ADAMTSL1: variants seen among roughly 807,000 people sequenced by gnomAD.
ADAMTSL1 encodes ADAMTS-like protein 1.
Under a neutral mutation model 201.8 loss-of-function variants are expected in ADAMTSL1, and 126 were observed. The observed-to-expected ratio is 0.62, with a 90% CI of 0.54 to 0.72. ADAMTSL1 has a LOEUF of 0.72. Ranked by LOEUF, ADAMTSL1 falls within the 30% of genes least tolerant of loss-of-function variation. The pLI, the probability that ADAMTSL1 is intolerant of heterozygous loss-of-function variation, is 0.00. For missense variants in ADAMTSL1, 2,679 were observed against 2,277.8 expected, an observed-to-expected ratio of 1.18 and a Z score of -3.59; for synonymous variants, 1,121 against 903.4, an observed-to-expected ratio of 1.24 and a Z score of -4.32.
intron 26 of ADAMTSL1, among the ~76,000 whole-genome samples, chr9:18,897,434 G>A (rs1386896116): frequency 6.6e-6 from 1 of 152,130 alleles, no homozygotes; most frequent in Non-Finnish European, 1.5e-5. Context: ...TCCCAACAGG[G>A]GTCTCCAGAC....
intron 2 of ADAMTSL1, among the ~76,000 whole-genome samples, chr9:18,276,610 G>A (rs1292385879): frequency 6.6e-6 from 1 of 152,220 alleles, no homozygotes; most frequent in Non-Finnish European, 1.5e-5. Context: ...GGCTGTACAA[G>A]AAGCGTGCTG....
chr9:18,888,133 A>G (rs1829019921), intron 24 of ADAMTSL1, 90 bp downstream of exon 24: 2 of 1,353,238 alleles, frequency 1.5e-6, no homozygotes, highest in East Asian at 2.5e-5. Context: ...GAGATTTCTG[A>G]TCTCCAGTGG....
chr9:18,204,639 C>G (rs551488112), intron 2 of ADAMTSL1, among the ~76,000 whole-genome samples: 1 of 152,018 alleles, frequency 6.6e-6, no homozygotes, highest in Non-Finnish European at 1.5e-5. Flanking sequence ...CACTATAATA[C>G]CAAACAAAAA....
intron 3 of ADAMTSL1, among the ~76,000 whole-genome samples, chr9:18,540,919 C>T (rs1288266650): frequency 6.6e-6 from 1 of 152,174 alleles, no homozygotes; most frequent in African/African-American, 2.4e-5. Flanking sequence ...TGCTGCTTCA[C>T]CCTGCCACAG....
chr9:18,227,870 TC>T (rs1830490097), intron 2 of ADAMTSL1, among the ~76,000 whole-genome samples: 1 of 152,208 alleles, frequency 6.6e-6, no homozygotes, highest in Non-Finnish European at 1.5e-5. Flanking sequence ...GTGTCTTTCT[TC>T]ATTTTTAAAT....
chr9:18,640,766 A>C (rs10963696), intron 7 of ADAMTSL1, among the ~76,000 whole-genome samples: 6,447 of 151,816 alleles, frequency 0.042, 188 homozygotes, highest in South Asian at 0.083. Context: ...CATCCAAACT[A>C]TCTCTCAACA....
chr9:18,668,175 T>G (rs1829578500), intron 9 of ADAMTSL1, among the ~76,000 whole-genome samples: 1 of 152,210 alleles, frequency 6.6e-6, no homozygotes, highest in African/African-American at 2.4e-5. Context: ...ACTTCTTACC[T>G]TTTGATCAAC....
chr9:18,311,160 C>T (rs984887336), intron 2 of ADAMTSL1, among the ~76,000 whole-genome samples: 1 of 151,548 alleles, frequency 6.6e-6, no homozygotes, highest in African/African-American at 2.4e-5. Flanking sequence ...ACTATGAGAA[C>T]AGATGGACAC....
intron 26 of ADAMTSL1, among the ~76,000 whole-genome samples, chr9:18,898,820 T>C (rs1337101199): frequency 6.6e-6 from 1 of 152,174 alleles, no homozygotes; most frequent in Non-Finnish European, 1.5e-5. Flanking sequence ...AAGAGCCATA[T>C]TTGACAAATC....
At chr9:17,961,170 G>A (rs1817739749) in intron 1 of ADAMTSL1, among the ~76,000 whole-genome samples, 1 of 152,082 alleles carries the variant, frequency 6.6e-6, no homozygotes, top group Non-Finnish European at 1.5e-5. Flanking sequence ...TTACTATGTG[G>A]ATTTGGACAA....
At chr9:18,644,554 C>T (rs1827664792) in intron 7 of ADAMTSL1, among the ~76,000 whole-genome samples, 1 of 146,980 alleles carries the variant, frequency 6.8e-6, no homozygotes, top group Admixed American at 6.8e-5. Context: ...CACCCCACAA[C>T]AGTCCCCAGA....
At position 18,101,940 on chromosome 9, in the gene ADAMTSL1, G is replaced by T. The variant is rs868721944; in HGVS notation, c.88-61922G>T. The stretch of plus-strand genomic sequence containing the variant: ...TGTATAGGTGTAAGTAGTGGTGACA[G>T]GGATGTCAGAGGTAGATAAACAAAA... On this transcript the variant is annotated intron_variant, in intron 1 of 29. Transcript: ENST00000680146. 3.3e-5 allele frequency among the ~76,000 whole-genome samples: 5 copies of T among 152,336 alleles called. No homozygotes were observed. The South Asian group carries it at 6.2e-4, about 19-fold the overall frequency.
Position 18,504,824 on chromosome 9 carries a change from C to G in ADAMTSL1, c.64-5C>G, listed in dbSNP as rs777177013. ...TGATGCTGACCATTCTTTTGTTTCT[C>G]ACAGAGTTCCAGGACCGCACGCTCC... is the stretch of plus-strand genomic sequence containing the variant. On this transcript the variant is annotated splice_region_variant and splice_polypyrimidine_tract_variant and intron_variant, in intron 1 of 28. Transcript: ENST00000380548. 2 of 1,614,076 alleles carry G rather than the reference C, an allele frequency of 1.2e-6. No homozygotes were observed. The highest frequency in any genetic ancestry group is 3.3e-5 in the Admixed American group (2 of 60,008).
chr9:18,039,243 A>G (rs1257986815), intron 1 of ADAMTSL1, among the ~76,000 whole-genome samples: 3 of 152,236 alleles, frequency 2.0e-5, no homozygotes, highest in African/African-American at 4.8e-5. Flanking sequence ...GTTTTATAAT[A>G]TAATGCCATT....
chr9:18,291,769 A>C (rs1022952654), intron 2 of ADAMTSL1, among the ~76,000 whole-genome samples: 1 of 148,800 alleles, frequency 6.7e-6, no homozygotes. Flanking sequence ...ACACACACAC[A>C]CACACACACA....
intron 9 of ADAMTSL1, among the ~76,000 whole-genome samples, chr9:18,675,501 G>A (rs183099373): frequency 1.3e-3 from 195 of 152,296 alleles, no homozygotes; most frequent in Non-Finnish European, 2.1e-3. Flanking sequence ...GAATAATGAT[G>A]ATAATAATAA....
intron 2 of ADAMTSL1, among the ~76,000 whole-genome samples, chr9:18,521,009 C>A (rs1044849991): frequency 2.6e-5 from 4 of 152,080 alleles, no homozygotes; most frequent in African/African-American, 9.7e-5. Flanking sequence ...TTCCGCCTTT[C>A]CACTGGTGGT....
intron 4 of ADAMTSL1, among the ~76,000 whole-genome samples, chr9:18,606,145 C>G (rs1307849704): frequency 2.6e-5 from 4 of 152,172 alleles, no homozygotes; most frequent in African/African-American, 9.7e-5. Context: ...TCTCCCTCCT[C>G]CCCTCTCCTC....
chr9:18,615,933 C>T (rs1825675967), intron 4 of ADAMTSL1, among the ~76,000 whole-genome samples: 1 of 152,170 alleles, frequency 6.6e-6, no homozygotes, highest in Admixed American at 6.5e-5. Context: ...CAGAATTTTG[C>T]CAGCCCTGCC....
Sources: allele counts gnomAD v4.1 joint callset (sites outside exome capture counted in the v4.1 genomes callset), GRCh38; gene constraint gnomAD v4.1.1; transcripts MANE v1.5; gene names NCBI Gene and HGNC (gene_info 2026-07-23, HGNC 2026-07-21).